Variants in DAB1 observed in about 807,000 individuals in gnomAD.
The protein encoded by DAB1 is disabled homolog 1.
In DAB1, 15 loss-of-function variants were observed where a neutral mutation model predicts 64.6. The observed-to-expected ratio is 0.23, with a 90% CI of 0.16 to 0.36. The LOEUF (loss-of-function observed/expected upper bound fraction) is 0.36. DAB1 is among the 10% of genes least tolerant of loss of function. DAB1 has a pLI of 1.00. For missense variants in DAB1, 596 were observed against 706.7 expected, an observed-to-expected ratio of 0.84 and a Z score of 1.78; for synonymous variants, 235 against 251.9, an observed-to-expected ratio of 0.93 and a Z score of 0.64.
At chr1:57,362,210 C>T (rs1679609190) in intron 1 of DAB1, among the ~76,000 whole-genome samples, 1 of 152,114 alleles carries the variant, frequency 6.6e-6, no homozygotes, top group Admixed American at 6.6e-5. Context: ...TTTTTCTCAT[C>T]TGTAAATGAA....
At chr1:57,553,422 G>GAAAA (rs1452780502) in intron 7 of DAB1, among the ~76,000 whole-genome samples, 2 of 18,280 alleles carry the variant, frequency 1.1e-4, no homozygotes, top group Non-Finnish European at 2.3e-4. Flanking sequence ...AAGAAAGAAA[G>GAAAA]AAAGAAAGAA....
rs1215777464 is a variant in DAB1 at position 57,407,686 on chromosome 1, C to T, written c.-137+16244G>A. Among the ~76,000 whole-genome samples, 6 of 152,006 alleles carry T rather than the reference C, an allele frequency of 3.9e-5. 1 individual carries two copies. Among genetic ancestry groups the T allele is most frequent in the Admixed American group, 3.9e-4 (6 of 15,248 alleles). ...AGTTATCAGCCAAGCCTTGATTTGA[C>T]CATCTGTAAAATGGGGATACGAATG... On this transcript the variant is annotated intron_variant, in intron 1 of 14. Coordinates refer to ENST00000371236, the MANE Select transcript of DAB1 (RefSeq NM_001365792.1).
intron 1 of DAB1, among the ~76,000 whole-genome samples, chr1:57,390,828 G>T (rs924627978): frequency 6.6e-6 from 1 of 152,056 alleles, no homozygotes; most frequent in Non-Finnish European, 1.5e-5. Flanking sequence ...TGTTAGCCAT[G>T]CATACTATGA....
chr1:57,783,887 T>TC (rs1650222017), intron 6 of DAB1, among the ~76,000 whole-genome samples: 1 of 152,174 alleles, frequency 6.6e-6, no homozygotes, highest in Non-Finnish European at 1.5e-5. Flanking sequence ...CACCAACTGG[T>TC]CATTCCCCAA....
chr1:58,515,060 A>T (rs1646138697), intron 2 of DAB1, among the ~76,000 whole-genome samples: 1 of 152,206 alleles, frequency 6.6e-6, no homozygotes, highest in Admixed American at 6.5e-5. Context: ...ATCTACCAGA[A>T]ACTAGTTCAT....
intron 2 of DAB1, among the ~76,000 whole-genome samples, chr1:57,162,395 G>A (rs1307924666): frequency 6.6e-6 from 1 of 152,218 alleles, no homozygotes; most frequent in Non-Finnish European, 1.5e-5. Context: ...AGGAGAATTG[G>A]ATTTACTCAG....
chr1:58,465,859 C>A (rs1167169230), intron 3 of DAB1, among the ~76,000 whole-genome samples: 1 of 152,186 alleles, frequency 6.6e-6, no homozygotes, highest in Admixed American at 6.5e-5. Context: ...TACCCATGGT[C>A]AATGGCAGAA....
intron 4 of DAB1, among the ~76,000 whole-genome samples, chr1:57,079,916 T>C (rs1029947630): frequency 6.6e-6 from 1 of 152,156 alleles, no homozygotes; most frequent in African/African-American, 2.4e-5. Flanking sequence ...CAGTTTGCCA[T>C]TATGTATGGG....
At chr1:57,001,648 C>T (rs1645872709) in intron 14 of DAB1, among the ~76,000 whole-genome samples, 1 of 152,146 alleles carries the variant, frequency 6.6e-6, no homozygotes, top group South Asian at 2.1e-4. Context: ...GCCCACCTTC[C>T]CAACCAGCCT....
At chr1:57,324,573 A>G (rs1400873082) in intron 1 of DAB1, among the ~76,000 whole-genome samples, 3 of 151,382 alleles carry the variant, frequency 2.0e-5, no homozygotes, top group African/African-American at 4.9e-5. Flanking sequence ...GAGGAGAATG[A>G]TGCGCATTAG....
In DAB1 at chr1:58,060,633, T is replaced by G. The variant is rs192977509; in HGVS notation, n.387+89878A>C. Among the ~76,000 whole-genome samples, 405 of 152,276 alleles carry G rather than the reference T, an allele frequency of 2.7e-3. 4 individuals are homozygous for G. Among genetic ancestry groups the G allele is most frequent in the African/African-American group, 9.2e-3 (383 of 41,548 alleles). ...CCCTTTCTGCACCCTCTGTGGGGTT[T>G]TCGGGGTCTCCTGCCCAAGGGCCCA... On this transcript the variant is annotated intron_variant and non_coding_transcript_variant, in intron 5 of 20. Coordinates refer to the DAB1 transcript ENST00000485760.
At chr1:57,067,823 C>T (rs940205342) in intron 8 of DAB1, among the ~76,000 whole-genome samples, 3 of 152,156 alleles carry the variant, frequency 2.0e-5, no homozygotes, top group Admixed American at 2.0e-4. Flanking sequence ...AGCCAGACTC[C>T]ACATTTTGTG....
At chr1:57,253,070 G>A (rs1570061422) in intron 2 of DAB1, among the ~76,000 whole-genome samples, 1 of 152,156 alleles carries the variant, frequency 6.6e-6, no homozygotes, top group South Asian at 2.1e-4. Flanking sequence ...CCCATATGAG[G>A]AGTGAGTCAT....
intron 2 of DAB1, among the ~76,000 whole-genome samples, chr1:57,251,466 T>C (rs1435296788): frequency 1.3e-5 from 2 of 152,216 alleles, no homozygotes; most frequent in African/African-American, 4.8e-5. Flanking sequence ...TCTAGCCTGC[T>C]AGAGCTGAAT....
At chr1:57,424,955 C>T (rs906918358), upstream of DAB1, among the ~76,000 whole-genome samples, 6 of 152,162 alleles carry the variant, frequency 3.9e-5, no homozygotes, top group South Asian at 4.1e-4. Flanking sequence ...GTGCGGGAGG[C>T]GGCTCCAGCG....
intron 4 of DAB1, among the ~76,000 whole-genome samples, chr1:58,254,395 AT>A (rs150057888): frequency 0.02 from 2,933 of 146,704 alleles, 94 homozygotes; most frequent in African/African-American, 0.065. Context: ...TTTTTTTTCT[AT>A]TTTTTTTTTA....
intron 5 of DAB1, among the ~76,000 whole-genome samples, chr1:58,124,672 T>C (rs191398355): frequency 4.1e-4 from 63 of 152,354 alleles, no homozygotes; most frequent in Middle Eastern, 3.4e-3. Flanking sequence ...GAGTCTAGCA[T>C]AGCAGTTTAA....
chr1:57,978,069 A>G (rs1485910240), intron 5 of DAB1, among the ~76,000 whole-genome samples: 1 of 152,218 alleles, frequency 6.6e-6, no homozygotes, highest in Non-Finnish European at 1.5e-5. Flanking sequence ...AAATTACTTT[A>G]AAGTTCATAT....
At chr1:57,680,785 T>C (rs1646626989) in intron 6 of DAB1, among the ~76,000 whole-genome samples, 1 of 152,208 alleles carries the variant, frequency 6.6e-6, no homozygotes, top group Non-Finnish European at 1.5e-5. Flanking sequence ...TGTGAGAAGA[T>C]GGTTGAAAAC....
Sources: allele counts gnomAD v4.1 joint callset (sites outside exome capture counted in the v4.1 genomes callset), GRCh38; gene constraint gnomAD v4.1.1; transcripts MANE v1.5; gene names NCBI Gene and HGNC (gene_info 2026-07-23, HGNC 2026-07-21).